SYNPR: variants seen among roughly 807,000 people sequenced by gnomAD.
SYNPR encodes the protein synaptoporin.
Under a neutral mutation model 32.9 loss-of-function variants are expected in SYNPR, and 23 were observed. That is an observed-to-expected ratio of 0.70 (90% CI 0.50 to 0.99). The LOEUF is 0.99. Among genes scored for constraint, SYNPR ranks in the 50% least tolerant of loss-of-function variants. SYNPR has a pLI of 0.00. For synonymous variants in SYNPR, 146 were observed against 135.9 expected, an observed-to-expected ratio of 1.07 and a Z score of -0.52; for missense variants, 318 against 349.3, an observed-to-expected ratio of 0.91 and a Z score of 0.71.
At chr3:63,206,394 C>T in the SYNPR span, among the ~76,000 whole-genome samples, 2 of 152,072 alleles carry the variant, frequency 1.3e-5, no homozygotes, top group African/African-American at 2.4e-5. Flanking sequence ...GGGCAGGTCA[C>T]TTGTGGTGAG....
chr3:63,340,638 C>T, intron 2 of SYNPR, among the ~76,000 whole-genome samples: 1 of 151,932 alleles, frequency 6.6e-6, no homozygotes, highest in Non-Finnish European at 1.5e-5. Flanking sequence ...CCGGGATGGT[C>T]TCGATCTCCT....
chr3:63,566,987 T>C (rs1358762953), intron 4 of SYNPR, among the ~76,000 whole-genome samples: 1 of 152,250 alleles, frequency 6.6e-6, no homozygotes, highest in African/African-American at 2.4e-5. Context: ...ACACACTCTA[T>C]TGACTTTCTC....
chr3:63,250,384 G>A (rs987398983), intron 1 of SYNPR, among the ~76,000 whole-genome samples: 7 of 152,024 alleles, frequency 4.6e-5, no homozygotes, highest in African/African-American at 1.7e-4. Flanking sequence ...CCACGCCTGG[G>A]GCAATTATTC....
intron 2 of SYNPR, among the ~76,000 whole-genome samples, chr3:63,433,153 T>A (rs962239788): frequency 6.6e-6 from 1 of 152,220 alleles, no homozygotes; most frequent in Non-Finnish European, 1.5e-5. Context: ...TAAGGCTGAC[T>A]TTCCTTTTCT....
chr3:63,219,947 C>T, the SYNPR span, among the ~76,000 whole-genome samples: 3 of 152,158 alleles, frequency 2.0e-5, no homozygotes, highest in Admixed American at 6.5e-5. Flanking sequence ...CAGTTCAGAA[C>T]TGTGTTGTAC....
At chr3:63,363,489 G>A (rs2087689342) in intron 2 of SYNPR, among the ~76,000 whole-genome samples, 1 of 152,174 alleles carries the variant, frequency 6.6e-6, no homozygotes. Context: ...CTCAATACTG[G>A]TGATAACTCA....
chr3:63,516,468 T>C (rs1267447198), intron 3 of SYNPR, among the ~76,000 whole-genome samples: 1 of 152,152 alleles, frequency 6.6e-6, no homozygotes, highest in African/African-American at 2.4e-5. Flanking sequence ...ATCACTCTGG[T>C]GTTATACAAA....
chr3:63,585,793 C>T (rs1703172999), intron 4 of SYNPR, among the ~76,000 whole-genome samples: 1 of 152,024 alleles, frequency 6.6e-6, no homozygotes, highest in African/African-American at 2.4e-5. Flanking sequence ...CCCTCTAAGA[C>T]AAGGTATAAA....
intron 2 of SYNPR, among the ~76,000 whole-genome samples, chr3:63,390,388 G>A (rs2107083300): frequency 6.6e-6 from 1 of 152,266 alleles, no homozygotes; most frequent in East Asian, 1.9e-4. Context: ...CTTTTGATGT[G>A]AGCCACTGAA....
chr3:63,247,028 T>C (rs916953220), intron 1 of SYNPR, among the ~76,000 whole-genome samples: 3 of 152,040 alleles, frequency 2.0e-5, no homozygotes, highest in Admixed American at 6.6e-5. Context: ...TTTACCTATG[T>C]AGCAAAACTA....
At chr3:63,246,241 T>C (rs2106885117) in intron 1 of SYNPR, among the ~76,000 whole-genome samples, 1 of 152,262 alleles carries the variant, frequency 6.6e-6, no homozygotes, top group East Asian at 1.9e-4. Flanking sequence ...ATTAGATTTC[T>C]TTACAAAATC....
intron 1 of SYNPR, among the ~76,000 whole-genome samples, chr3:63,233,246 T>A (rs2086178826): frequency 6.6e-6 from 1 of 152,214 alleles, no homozygotes; most frequent in African/African-American, 2.4e-5. Context: ...CGAATGGAAT[T>A]TGAAACCACT....
upstream of SYNPR, among the ~76,000 whole-genome samples, chr3:63,227,294 T>A (rs1050997958): frequency 1.3e-5 from 2 of 152,180 alleles, no homozygotes; most frequent in African/African-American, 4.8e-5. Context: ...AGAGCTAAGA[T>A]CTGTCAGTAA....
At chr3:63,441,348 A>G (rs1464654285) in intron 2 of SYNPR, among the ~76,000 whole-genome samples, 1 of 152,184 alleles carries the variant, frequency 6.6e-6, no homozygotes, top group Non-Finnish European at 1.5e-5. Context: ...ATTCAGAGCC[A>G]ATGAGAATTA....
intron 2 of SYNPR, among the ~76,000 whole-genome samples, chr3:63,302,601 T>C (rs1420660482): frequency 6.6e-6 from 1 of 152,084 alleles, no homozygotes; most frequent in African/African-American, 2.4e-5. Flanking sequence ...CTGTAAAACA[T>C]ACATTTTATT....
At chr3:63,273,815 C>A (rs1048723295), upstream of SYNPR, among the ~76,000 whole-genome samples, 7 of 152,114 alleles carry the variant, frequency 4.6e-5, no homozygotes, top group African/African-American at 1.7e-4. Context: ...CATATTCTTG[C>A]ATGTTTTTTT....
At chr3:63,386,877 C>T (rs569801645) in intron 2 of SYNPR, among the ~76,000 whole-genome samples, 1 of 152,326 alleles carries the variant, frequency 6.6e-6, no homozygotes, top group African/African-American at 2.4e-5. Context: ...TGGCTCAGGT[C>T]AGAGGAAAGC....
chr3:63,248,503 G>A (rs1427796647), intron 1 of SYNPR, among the ~76,000 whole-genome samples: 1 of 152,126 alleles, frequency 6.6e-6, no homozygotes, highest in Non-Finnish European at 1.5e-5. Flanking sequence ...CACAGAGAAG[G>A]TTGAAAGAGT....
At chr3:63,463,561 G>A (rs1700625739) in intron 2 of SYNPR, among the ~76,000 whole-genome samples, 1 of 152,176 alleles carries the variant, frequency 6.6e-6, no homozygotes, top group South Asian at 2.1e-4. Flanking sequence ...CTCTGTCAGA[G>A]CAGAAGTTCT....
Sources: gnomAD v4.1 joint callset for allele counts (sites outside exome capture counted in the v4.1 genomes callset) on GRCh38, gnomAD v4.1.1 for gene constraint, MANE v1.5 for transcripts, NCBI Gene and HGNC (gene_info 2026-07-23, HGNC 2026-07-21) for gene names.